The following VTI1A variants were observed in gnomAD, a reference collection of about 807,000 sequenced individuals.
The protein encoded by VTI1A is vesicle transport through interaction with t-SNAREs homolog 1A.
Under a neutral mutation model 34.9 loss-of-function variants are expected in VTI1A, and 22 were observed. That is an observed-to-expected ratio of 0.63 (90% confidence interval 0.45 to 0.90). VTI1A has a LOEUF of 0.90. Among genes scored for constraint, VTI1A ranks in the 40% least tolerant of loss-of-function variants. The pLI, the probability that VTI1A is intolerant of heterozygous loss-of-function variation, is 0.00. For synonymous variants in VTI1A, 87 were observed against 97.3 expected (o/e 0.89, Z 0.62); for missense variants, 268 against 275.6 (o/e 0.97, Z 0.20).
intron 5 of VTI1A, among the ~76,000 whole-genome samples, chr10:112,603,140 T>C (rs1385566885): frequency 6.6e-6 from 1 of 152,250 alleles, no homozygotes; most frequent in Non-Finnish European, 1.5e-5. Flanking sequence ...CCATGCTGGC[T>C]GTATAACTGA....
At position 112,691,724 on chromosome 10, in the gene VTI1A, A is replaced by G. The variant is rs1052781915; in HGVS notation, c.560+22726A>G. Among the ~76,000 whole-genome samples, 2 of 152,210 alleles carry G rather than the reference A, an allele frequency of 1.3e-5. 1 individual carries two copies. Among genetic ancestry groups the G allele is most frequent in the Admixed American group, 1.3e-4 (2 of 15,286 alleles). On this transcript the variant is annotated intron_variant, in intron 7 of 7. Transcript: ENST00000393077. Reference sequence around the variant, plus strand: ...GTCCTCTTTCCTGATGGGAGGGTACATTGACAGCAACTTGCATGGAAGGTT... The same window carrying G: ...GTCCTCTTTCCTGATGGGAGGGTACGTTGACAGCAACTTGCATGGAAGGTT...
At chr10:112,540,772 TTGTTA>T (rs2134262112) in intron 5 of VTI1A, among the ~76,000 whole-genome samples, 1 of 152,344 alleles carries the variant, frequency 6.6e-6, no homozygotes, top group African/African-American at 2.4e-5. Context: ...TACTTACCAT[TTGTTA>T]AAGTATCAGA....
intron 7 of VTI1A, among the ~76,000 whole-genome samples, chr10:112,691,866 G>T (rs1037554991): frequency 3.3e-5 from 5 of 152,262 alleles, no homozygotes; most frequent in African/African-American, 1.2e-4. Context: ...TGAATTCAAG[G>T]ACACCATTCA....
At chr10:112,474,345 G>A (rs1197769121) in intron 3 of VTI1A, among the ~76,000 whole-genome samples, 1 of 151,908 alleles carries the variant, frequency 6.6e-6, no homozygotes, top group African/African-American at 2.4e-5. Flanking sequence ...GAGCCACCAC[G>A]CCCGGCAACT....
chr10:112,579,219 A>G (rs1215415605), intron 5 of VTI1A, among the ~76,000 whole-genome samples: 1 of 152,238 alleles, frequency 6.6e-6, no homozygotes, highest in African/African-American at 2.4e-5. Context: ...ATGTGTGGAA[A>G]AATTCTAGGA....
the VTI1A span, among the ~76,000 whole-genome samples, chr10:112,848,640 AAAC>A: frequency 6.6e-6 from 1 of 152,228 alleles, no homozygotes; most frequent in Non-Finnish European, 1.5e-5. Flanking sequence ...CTTATTCAAG[AAAC>A]AATTCAATTA....
In VTI1A at chr10:112,782,523, C is replaced by G. The variant is rs147500326; in HGVS notation, c.561-32767C>G. 6.9e-3 allele frequency among the ~76,000 whole-genome samples: 1,046 copies of G among 152,340 alleles called. 9 individuals are homozygous for G. Among genetic ancestry groups the G allele is most frequent in the Non-Finnish European group, 9.2e-3 (626 of 68,040 alleles). On this transcript the variant is annotated intron_variant, in intron 7 of 7. Coordinates refer to ENST00000393077, the MANE Select transcript of VTI1A (RefSeq NM_145206.4). ...TCCCGTCGCGGCATATTAGTGAAGT[C>G]TGGCTAAAGAGCAGCTTGTAGTTGA...
At chr10:112,688,911 A>G (rs895496612) in intron 7 of VTI1A, among the ~76,000 whole-genome samples, 2 of 151,974 alleles carry the variant, frequency 1.3e-5, no homozygotes, top group Non-Finnish European at 2.9e-5. Flanking sequence ...AGTTATTATG[A>G]CATATATGGA....
intron 7 of VTI1A, among the ~76,000 whole-genome samples, chr10:112,724,904 C>G (rs1442852428): frequency 6.6e-6 from 1 of 151,492 alleles, no homozygotes; most frequent in Non-Finnish European, 1.5e-5. Flanking sequence ...ACCAACATGT[C>G]ACCCTTCTTG....
Position 112,720,799 on chromosome 10 carries a change from C to T in VTI1A, c.560+51801C>T, listed in dbSNP as rs561544977. Among the ~76,000 whole-genome samples the T allele has an allele frequency of 3.9e-5, 6 of 152,264 alleles. No individual in the cohort carries two copies. In the South Asian group the frequency reaches 1.0e-3, roughly 26 times the overall value. On this transcript the variant is annotated intron_variant, in intron 7 of 7. Transcript: ENST00000393077. The stretch of plus-strand genomic sequence containing the variant: ...GAAAGATCAGCTTGTCTAATTAACT[C>T]ATTTTACCAATTAGGAAAGCAAGGA...
rs143634442 is a variant in VTI1A at position 112,694,148 on chromosome 10, G to C, written c.560+25150G>C. The stretch of plus-strand genomic sequence containing the variant: ...TTGAACCCAGGAGGCGGAGCTTGCA[G>C]TGAGCTGAGATCGCGCCACTGCACT... On this transcript the variant is annotated intron_variant, in intron 7 of 7. Coordinates refer to ENST00000393077, the MANE Select transcript of VTI1A (RefSeq NM_145206.4). Among the ~76,000 whole-genome samples the C allele has an allele frequency of 7.4e-3, 1,134 of 152,302 alleles. 13 individuals carry two copies. The highest frequency in any genetic ancestry group is 0.026 in the African/African-American group (1,096 of 41,558).
intron 3 of VTI1A, among the ~76,000 whole-genome samples, chr10:112,485,578 C>A (rs911568310): frequency 6.6e-6 from 1 of 152,164 alleles, no homozygotes; most frequent in Non-Finnish European, 1.5e-5. Context: ...TGAAAGCTGA[C>A]GTTTTGGAAG....
intron 7 of VTI1A, among the ~76,000 whole-genome samples, chr10:112,709,835 C>T (rs140982997): frequency 6.7e-6 from 1 of 150,018 alleles, no homozygotes; most frequent in East Asian, 2.0e-4. Flanking sequence ...GGACTATAGG[C>T]AGGCACCACC....
intron 5 of VTI1A, among the ~76,000 whole-genome samples, chr10:112,625,010 A>C (rs1845868433): frequency 6.6e-6 from 1 of 152,180 alleles, no homozygotes; most frequent in Non-Finnish European, 1.5e-5. Context: ...AGGCAGGAGG[A>C]TCACTTGAGC....
chr10:112,692,033 A>C (rs1321403201), intron 7 of VTI1A, among the ~76,000 whole-genome samples: 1 of 152,254 alleles, frequency 6.6e-6, no homozygotes, highest in Non-Finnish European at 1.5e-5. Context: ...TTAATTAATA[A>C]GATAAAGATA....
chr10:112,687,358 CG>C (rs1476933884), intron 7 of VTI1A, among the ~76,000 whole-genome samples: 2 of 150,820 alleles, frequency 1.3e-5, no homozygotes, highest in African/African-American at 4.9e-5. Flanking sequence ...CTCAGCCTCC[CG>C]AGTAGCTGGG....
intron 7 of VTI1A, among the ~76,000 whole-genome samples, chr10:112,712,068 G>A (rs1849436055): frequency 1.3e-5 from 2 of 152,144 alleles, no homozygotes; most frequent in African/African-American, 4.8e-5. Flanking sequence ...ATTTGAATGA[G>A]TGACCCAATT....
intron 7 of VTI1A, among the ~76,000 whole-genome samples, chr10:112,753,757 A>G (rs1232827163): frequency 6.6e-6 from 1 of 152,238 alleles, no homozygotes; most frequent in Non-Finnish European, 1.5e-5. Context: ...ATATATTCAT[A>G]TGAAAAGAAT....
intron 5 of VTI1A, among the ~76,000 whole-genome samples, chr10:112,542,092 G>A (rs567472272): frequency 1.2e-3 from 183 of 152,108 alleles, no homozygotes; most frequent in African/African-American, 4.3e-3. Context: ...CAAAATTCTG[G>A]GTCATCTGCC....
Sources: allele counts gnomAD v4.1 joint callset (sites outside exome capture counted in the v4.1 genomes callset), GRCh38; gene constraint gnomAD v4.1.1; transcripts MANE v1.5; gene names NCBI Gene and HGNC (gene_info 2026-07-23, HGNC 2026-07-21).